FANCC: variants seen among roughly 807,000 people sequenced by gnomAD.
The protein encoded by FANCC is FA complementation group C.
A neutral mutation model predicts 71.3 loss-of-function variants in FANCC; 55 were observed. The ratio of observed to expected loss-of-function variants is 0.77; its 90% CI spans 0.62 to 0.97. The LOEUF is 0.97. Ranked by LOEUF, FANCC falls within the 50% of genes least tolerant of loss-of-function variation. The pLI is 0.00. For synonymous variants in FANCC, 275 were observed against 244.9 expected (o/e 1.12, Z -1.15); for missense variants, 678 against 670.9 (o/e 1.01, Z -0.12).
At chr9:95,114,763 T>C (rs1363604482) in intron 11 of FANCC, 53 bp from the exon 12 acceptor site, 1 of 1,504,222 alleles carries the variant, frequency 6.6e-7, no homozygotes, top group African/African-American at 1.4e-5. Context: ...GTCAAGCCCA[T>C]GAGGAACCAC....
chr9:95,254,801 G>A (rs1564800730), intron 1 of FANCC, among the ~76,000 whole-genome samples: 1 of 152,198 alleles, frequency 6.6e-6, no homozygotes, highest in Non-Finnish European at 1.5e-5. Flanking sequence ...CCACTCCCAA[G>A]GAGCCCAGCA....
At chr9:95,181,174 T>C (rs1210696914) in intron 4 of FANCC, among the ~76,000 whole-genome samples, 2 of 149,340 alleles carry the variant, frequency 1.3e-5, no homozygotes, top group African/African-American at 5.1e-5. Context: ...TGTGTGTGTG[T>C]GTGTGTGTGT....
intron 11 of FANCC, among the ~76,000 whole-genome samples, chr9:95,116,356 C>T (rs2134671683): frequency 6.6e-6 from 1 of 152,328 alleles, no homozygotes; most frequent in African/African-American, 2.4e-5. Context: ...CCCCTAGCTC[C>T]AGCATCTGAG....
chr9:95,159,426 C>T lies in FANCC; in HGVS notation c.522-9339G>A, dbSNP rs1830623706. 2.0e-5 allele frequency among the ~76,000 whole-genome samples: 3 copies of T among 152,312 alleles called. No individual in the cohort carries two copies. In the South Asian group the frequency reaches 6.2e-4, roughly 32 times the overall value. On this transcript the variant is annotated intron_variant, in intron 6 of 14. Transcript: ENST00000289081. ...TTGTGCCACATTTTCTTAATCCAGT[C>T]TATCATTGATGGACATTTAGGTTCA... is the stretch of plus-strand genomic sequence containing the variant.
rs200719554 is a variant in FANCC, at chr9:95,111,551, G to A, written c.1241C>T (p.Ser414Leu). 5.5e-5 allele frequency: 88 copies of A among 1,614,042 alleles called. No homozygotes were observed. Among genetic ancestry groups the A allele is most frequent in the Middle Eastern group, 1.6e-4 (1 of 6,082 alleles). The change falls in exon 13 of 15, where the codon TCG (serine) becomes TTG (leucine). Residue 414 changes from serine (S) to leucine (L), a missense_variant. By Grantham distance (145) the Ser-to-Leu change is moderately radical. Transcript: ENST00000289081. ...CAGGGCCGTGGGGGGTTCGGCTGCC[G>A]ACATCAGTAATTGCTCTGCCACCAT... is the stretch of plus-strand genomic sequence containing the variant. ...AEMVAEQLLM[S>L]AAEPPTALLW...
At chr9:95,244,288 C>T (rs1432733821) in intron 3 of FANCC, among the ~76,000 whole-genome samples, 1 of 152,180 alleles carries the variant, frequency 6.6e-6, no homozygotes, top group Non-Finnish European at 1.5e-5. Context: ...CACATTGAGT[C>T]AGGCTGACCT....
intron 7 of FANCC, chr9:95,142,441 T>A (rs1434496411): frequency 6.6e-6 from 1 of 152,450 alleles, no homozygotes; most frequent in Non-Finnish European, 1.5e-5. Context: ...TTTATTTTTA[T>A]TTTTTAAAGC....
At chr9:95,291,509 C>T (rs2136312370) in intron 1 of FANCC, among the ~76,000 whole-genome samples, 1 of 151,878 alleles carries the variant, frequency 6.6e-6, no homozygotes, top group Admixed American at 6.6e-5. Flanking sequence ...AAATAAAATA[C>T]TTAGGTATAA....
In FANCC at chr9:95,193,197, T is replaced by C. The variant is rs4647472; in HGVS notation, c.346-21050A>G. On this transcript the variant is annotated intron_variant, in intron 4 of 14. Transcript: ENST00000289081. The stretch of plus-strand genomic sequence containing the variant: ...GCATGCTGATTAGATTAGAAATGGA[T>C]ACGATTCACTTTAGATAAGCAAGGG... Among the ~76,000 whole-genome samples, 506 of 152,206 alleles carry C rather than the reference T, an allele frequency of 3.3e-3. 9 individuals are homozygous for C. In the East Asian group the frequency reaches 0.044, roughly 13 times the overall value.
intron 4 of FANCC, among the ~76,000 whole-genome samples, chr9:95,194,858 T>G (rs1385155749): frequency 6.6e-6 from 1 of 152,126 alleles, no homozygotes; most frequent in Non-Finnish European, 1.5e-5. Flanking sequence ...CCTAACACAG[T>G]TGATTTTTCT....
chr9:95,263,956 T>C (rs1244750630), intron 1 of FANCC, among the ~76,000 whole-genome samples: 1 of 152,164 alleles, frequency 6.6e-6, no homozygotes, highest in Non-Finnish European at 1.5e-5. Context: ...TTCACTTTTT[T>C]CCATATCTGA....
chr9:95,236,668 T>C (rs1288258382), intron 4 of FANCC, among the ~76,000 whole-genome samples: 1 of 152,270 alleles, frequency 6.6e-6, no homozygotes, highest in Non-Finnish European at 1.5e-5. Flanking sequence ...TAATTTACTG[T>C]AGAAATTCTT....
intron 4 of FANCC, among the ~76,000 whole-genome samples, chr9:95,229,444 G>A (rs1018337396): frequency 6.6e-6 from 1 of 152,106 alleles, no homozygotes; most frequent in Non-Finnish European, 1.5e-5. Flanking sequence ...TTCTGGACAC[G>A]TGTCACAGAT....
At chr9:95,276,989 T>G (rs1342466732) in intron 1 of FANCC, among the ~76,000 whole-genome samples, 2 of 152,242 alleles carry the variant, frequency 1.3e-5, no homozygotes, top group African/African-American at 2.4e-5. Flanking sequence ...TTAGCACTGG[T>G]ATTTCCATTT....
At chr9:95,236,618 T>C (rs1830330426) in intron 4 of FANCC, among the ~76,000 whole-genome samples, 1 of 152,240 alleles carries the variant, frequency 6.6e-6, no homozygotes, top group Non-Finnish European at 1.5e-5. Context: ...GTCTATCATT[T>C]TCAAATTTAT....
chr9:95,258,440 A>G (rs1831804177), intron 1 of FANCC, among the ~76,000 whole-genome samples: 1 of 152,244 alleles, frequency 6.6e-6, no homozygotes, highest in Admixed American at 6.5e-5. Context: ...GACAAAAACC[A>G]CATGATTATC....
chr9:95,290,408 A>C (rs1833933244), intron 1 of FANCC, among the ~76,000 whole-genome samples: 1 of 152,228 alleles, frequency 6.6e-6, no homozygotes, highest in African/African-American at 2.4e-5. Context: ...ATCAACACGA[A>C]CATTAATCCT....
chr9:95,228,654 A>AC (rs1337657547), intron 4 of FANCC, among the ~76,000 whole-genome samples: 1 of 152,172 alleles, frequency 6.6e-6, no homozygotes, highest in African/African-American at 2.4e-5. Flanking sequence ...GAGCACTAAG[A>AC]CCGCGTGCAA....
At chr9:95,204,203 T>C (rs566233937) in intron 4 of FANCC, among the ~76,000 whole-genome samples, 1 of 152,372 alleles carries the variant, frequency 6.6e-6, no homozygotes, top group South Asian at 2.1e-4. Context: ...TCCTTTAATT[T>C]CACTGAAGGA....
Sources: gnomAD v4.1 joint callset for allele counts (sites outside exome capture counted in the v4.1 genomes callset) on GRCh38, gnomAD v4.1.1 for gene constraint, MANE v1.5 for transcripts, NCBI Gene and HGNC (gene_info 2026-07-23, HGNC 2026-07-21) for gene names.